Variants in PCLO observed in about 807,000 individuals in gnomAD.
The protein encoded by PCLO is piccolo presynaptic cytomatrix protein.
PCLO carries 82 observed loss-of-function variants against 427.5 expected under a neutral mutation model. The ratio of observed to expected loss-of-function variants is 0.19; its 90% CI spans 0.16 to 0.23. PCLO has a LOEUF of 0.23. PCLO is among the 10% of genes least tolerant of loss of function. PCLO has a pLI of 1.00. For synonymous variants in PCLO, 2,357 were observed against 2,155.4 expected (o/e 1.09, Z -2.59); for missense variants, 6,239 against 6,115.9 (o/e 1.02, Z -0.67).
intron 4 of PCLO, among the ~76,000 whole-genome samples, chr7:82,960,390 G>A (rs960607430): frequency 1.8e-4 from 28 of 152,184 alleles, no homozygotes; most frequent in Admixed American, 5.9e-4. Flanking sequence ...ATTTTTCATC[G>A]TTTCTGATTA....
chr7:83,071,714 T>G (rs1000481909), intron 3 of PCLO, among the ~76,000 whole-genome samples: 6 of 151,928 alleles, frequency 3.9e-5, no homozygotes, highest in African/African-American at 1.5e-4. Flanking sequence ...TGGGTGAGAG[T>G]GGGGAAGAAC....
At chr7:82,965,374 T>C (rs1038715468) in intron 4 of PCLO, among the ~76,000 whole-genome samples, 20 of 151,314 alleles carry the variant, frequency 1.3e-4, no homozygotes, top group African/African-American at 4.8e-4. Flanking sequence ...AAAACCTTGT[T>C]GACTCTTACG....
chr7:83,016,387 A>C (rs1418121816), intron 3 of PCLO, among the ~76,000 whole-genome samples: 1 of 152,188 alleles, frequency 6.6e-6, no homozygotes, highest in Non-Finnish European at 1.5e-5. Context: ...GTTATAACAA[A>C]GAATAAAGAG....
At chr7:82,825,631 A>G (rs1426179617) in intron 18 of PCLO, among the ~76,000 whole-genome samples, 1 of 148,204 alleles carries the variant, frequency 6.7e-6, no homozygotes, top group Non-Finnish European at 1.5e-5. Context: ...TATATTATAT[A>G]TATTATACAT....
chr7:82,959,954 C>T (rs1291838781), intron 4 of PCLO, among the ~76,000 whole-genome samples: 1 of 152,144 alleles, frequency 6.6e-6, no homozygotes, highest in Non-Finnish European at 1.5e-5. Flanking sequence ...ATTTGGATCT[C>T]TTCCCATGGT....
intron 3 of PCLO, among the ~76,000 whole-genome samples, chr7:83,102,960 AT>A (rs1329492351): frequency 6.7e-6 from 1 of 148,970 alleles, no homozygotes; most frequent in African/African-American, 2.5e-5. Context: ...AATCTGAGAC[AT>A]TTATTAATTT....
intron 2 of PCLO, among the ~76,000 whole-genome samples, chr7:83,137,730 G>A (rs186936883): frequency 1.3e-5 from 2 of 152,218 alleles, no homozygotes; most frequent in East Asian, 3.9e-4. Context: ...ACCACGCCCG[G>A]CCATGGATAT....
rs867432877 is a variant in PCLO, at chr7:83,162,645, C to A, written c.-53G>T. 1.4e-6 allele frequency: 2 copies of A among 1,480,464 alleles called. No individual in the cohort carries two copies. Among genetic ancestry groups the A allele is most frequent in the South Asian group, 2.7e-5 (2 of 73,652 alleles). 91.7% of individuals were successfully genotyped at this position (1,480,464 alleles called of 1,614,324 possible). A position where few individuals can be genotyped will look rare whatever the true frequency, so the allele number is the denominator to read the frequency against. On this transcript the variant is annotated 5_prime_UTR_variant, in exon 1 of 25. Transcript: ENST00000333891. ...CTCCCTCCTCGCGCCGCGTCCCAGT[C>A]GAGAAGCCCGCGGCCAGGGGAGCAG...
rs1301233335 is a variant in PCLO, at chr7:82,949,831, G to T, written c.10757C>A (p.Pro3586Gln). ...QSPQYLSATSPPKDKKRPTPL... is the reference protein window; with the variant it reads ...QSPQYLSATSQPKDKKRPTPL... Reference sequence around the variant, plus strand: ...TGTTGGGCGTTTCTTGTCTTTGGGTGGAGATGTGGCACTCAGATATTGAGG... The same window carrying T: ...TGTTGGGCGTTTCTTGTCTTTGGGTTGAGATGTGGCACTCAGATATTGAGG... Residue 3586 changes from proline to glutamine, a missense_variant, in exon 6 of 25, where the codon CCA becomes CAA. This residue lies in a region of PCLO where 4,677 missense variants were observed against 4,468.4 expected (regional missense o/e 1.05). Coordinates refer to ENST00000333891, the MANE Select transcript of PCLO (RefSeq NM_033026.6). The T allele has an allele frequency of 6.2e-7, 1 of 1,613,728 alleles. No homozygotes were observed. The highest frequency in any genetic ancestry group is 2.2e-5 in the East Asian group (1 of 44,852).
rs181274753 is a variant in PCLO, at chr7:82,977,495, C to T, written c.3301-11008G>A. On this transcript the variant is annotated intron_variant, in intron 3 of 24. Coordinates refer to ENST00000333891, the MANE Select transcript of PCLO (RefSeq NM_033026.6). ...ATGGTGTGACCTTGGCTCACACAAC[C>T]TCTGCCTCCCAGGTTCAAGCGATTC... Among the ~76,000 whole-genome samples the T allele has an allele frequency of 2.9e-3, 442 of 151,828 alleles. 2 individuals are homozygous for T. Among genetic ancestry groups the T allele is most frequent in the African/African-American group, 0.01 (424 of 41,404 alleles).
intron 22 of PCLO, among the ~76,000 whole-genome samples, chr7:82,773,014 A>G (rs1790677755): frequency 6.6e-6 from 1 of 152,152 alleles, no homozygotes; most frequent in Non-Finnish European, 1.5e-5. Flanking sequence ...ATGATAGACC[A>G]ACATGCTAGC....
chr7:83,099,402 T>C (rs1480744006), intron 3 of PCLO, among the ~76,000 whole-genome samples: 1 of 151,576 alleles, frequency 6.6e-6, no homozygotes, highest in African/African-American at 2.4e-5. Context: ...TTTTTTTTTT[T>C]TTTGAGACAG....
chr7:83,138,100 G>T (rs1449729928), intron 2 of PCLO, among the ~76,000 whole-genome samples: 2 of 152,036 alleles, frequency 1.3e-5, no homozygotes, highest in Non-Finnish European at 2.9e-5. Context: ...CATGCAGCCA[G>T]ACAAAAGAAG....
intron 6 of PCLO, among the ~76,000 whole-genome samples, chr7:82,941,898 G>C (rs1354265729): frequency 6.6e-6 from 1 of 152,088 alleles, no homozygotes; most frequent in Admixed American, 6.6e-5. Flanking sequence ...CAAAAGCGTG[G>C]CCAGGCACAG....
rs751464507 is a variant in PCLO, at chr7:83,154,981, A to G, written c.1660T>C (p.Ser554Pro). The G allele has an allele frequency of 3.1e-6, 5 of 1,613,872 alleles. No individual in the cohort carries two copies. The highest frequency in any genetic ancestry group is 4.2e-6 in the Non-Finnish European group (5 of 1,179,878). Residue 554 changes from serine to proline, a missense_variant, in exon 2 of 25, where the codon TCT (serine) becomes CCT (proline). Around this residue, in one of 5 missense-constraint regions of PCLO, gnomAD observed 4,677 missense variants for 4,468.4 expected, o/e 1.05. Coordinates refer to ENST00000333891, the MANE Select transcript of PCLO (RefSeq NM_033026.6). ...CCTGTTTGGCTTACTGGTTTTGTAG[A>G]TTGCTGAGCCGAGGGCTTTGCTGGG... ...PSPAKPSAQQ[S>P]TKPVSQTGSG...
At position 82,953,214 on chromosome 7, in the gene PCLO, T is replaced by C. The variant is rs769108957; in HGVS notation, c.7739A>G (p.Tyr2580Cys). Residue 2580 changes from tyrosine (Y) to cysteine (C), a missense_variant, in exon 5 of 25, where the codon TAT becomes TGT. Tyr to Cys is a radical substitution (Grantham distance 194). Transcript: ENST00000333891. ...TTCAGATGGCAATGTAATAACTACA[T>C]AAGTTTCTGTGAGGGATTTGGAAAA... ...PRFSKSLTET[Y>C]VVITLPSEPG... The C allele has an allele frequency of 1.2e-6, 2 of 1,613,970 alleles. No individual in the cohort carries two copies. Among genetic ancestry groups the C allele is most frequent in the South Asian group, 2.2e-5 (2 of 91,082 alleles).
At chr7:83,116,403 A>G (rs1791133080) in intron 3 of PCLO, among the ~76,000 whole-genome samples, 1 of 152,172 alleles carries the variant, frequency 6.6e-6, no homozygotes, top group Non-Finnish European at 1.5e-5. Context: ...TTATTCGAAT[A>G]TAAGATTGAG....
chr7:82,998,920 C>G (rs984701416), intron 3 of PCLO, among the ~76,000 whole-genome samples: 2 of 151,250 alleles, frequency 1.3e-5, no homozygotes, highest in African/African-American at 4.9e-5. Flanking sequence ...GATAATTGTT[C>G]TAATAGATGA....
At chr7:82,830,024 T>C (rs1012775070) in intron 16 of PCLO, among the ~76,000 whole-genome samples, 14 of 152,038 alleles carry the variant, frequency 9.2e-5, no homozygotes, top group African/African-American at 3.4e-4. Flanking sequence ...TTACACATTA[T>C]ATATACATGT....
Sources: allele counts gnomAD v4.1 joint callset (sites outside exome capture counted in the v4.1 genomes callset), GRCh38; gene constraint gnomAD v4.1.1; regional missense constraint gnomAD v4.1.1; transcripts MANE v1.5; gene names NCBI Gene and HGNC (gene_info 2026-07-23, HGNC 2026-07-21).